The following MACROD2 variants were observed in gnomAD, a reference collection of about 807,000 sequenced individuals.
MACROD2 encodes mono-ADP ribosylhydrolase 2, also known as ADP-ribose glycohydrolase MACROD2.
In MACROD2, 36 loss-of-function variants were observed where a neutral mutation model predicts 70.4. The observed-to-expected ratio is 0.51, with a 90% confidence interval of 0.39 to 0.68. MACROD2 has a LOEUF of 0.68. Among genes scored for constraint, MACROD2 ranks in the 30% least tolerant of loss-of-function variants. The pLI is 0.00. For missense variants in MACROD2, 496 were observed against 538.4 expected (o/e 0.92, Z 0.78); for synonymous variants, 172 against 178.8 (o/e 0.96, Z 0.30).
intron 5 of MACROD2, among the ~76,000 whole-genome samples, chr20:15,211,960 A>G (rs2076767506): frequency 6.6e-6 from 1 of 152,164 alleles, no homozygotes; most frequent in Non-Finnish European, 1.5e-5. Context: ...CCAAAGTGGC[A>G]TTTCCATTCC....
At chr20:15,568,673 G>C (rs2048339931) in intron 8 of MACROD2, among the ~76,000 whole-genome samples, 1 of 152,150 alleles carries the variant, frequency 6.6e-6, no homozygotes, top group African/African-American at 2.4e-5. Context: ...GAGAGGCTGG[G>C]AAACGCAAGG....
intron 8 of MACROD2, among the ~76,000 whole-genome samples, chr20:15,505,089 A>G (rs560652876): frequency 5.5e-4 from 83 of 152,276 alleles, no homozygotes; most frequent in African/African-American, 1.9e-3. Flanking sequence ...TTGGTCTCTG[A>G]GACAATGCAC....
intron 5 of MACROD2, among the ~76,000 whole-genome samples, chr20:14,727,324 A>G (rs2071541720): frequency 6.6e-6 from 1 of 152,142 alleles, no homozygotes; most frequent in Non-Finnish European, 1.5e-5. Flanking sequence ...TGAGCCCAGG[A>G]GTCCAACACC....
intron 10 of MACROD2, among the ~76,000 whole-genome samples, chr20:15,915,457 A>G (rs538981404): frequency 4.6e-5 from 7 of 152,372 alleles, no homozygotes; most frequent in Non-Finnish European, 7.3e-5. Context: ...TTTATATCAC[A>G]GTATCACACT....
At chr20:14,026,450 C>T (rs548682384) in intron 2 of MACROD2, among the ~76,000 whole-genome samples, 1 of 152,288 alleles carries the variant, frequency 6.6e-6, no homozygotes, top group East Asian at 1.9e-4. Flanking sequence ...ATGGTCTTTA[C>T]AATTTGGTAT....
chr20:15,393,529 A>G (rs866212176), intron 6 of MACROD2, among the ~76,000 whole-genome samples: 19 of 151,878 alleles, frequency 1.3e-4, no homozygotes, highest in African/African-American at 3.9e-4. Context: ...TTGCACCTCT[A>G]TTTGCTTCTG....
At chr20:14,122,656 A>G (rs2054601727) in intron 3 of MACROD2, among the ~76,000 whole-genome samples, 2 of 152,178 alleles carry the variant, frequency 1.3e-5, no homozygotes, top group Non-Finnish European at 2.9e-5. Context: ...TTTGAAAATT[A>G]CCTTCCAACA....
chr20:15,198,436 A>T (rs986731585), intron 5 of MACROD2, among the ~76,000 whole-genome samples: 1 of 152,150 alleles, frequency 6.6e-6, no homozygotes, highest in Non-Finnish European at 1.5e-5. Context: ...ATTCGTCATA[A>T]ATTTACTGCT....
intron 5 of MACROD2, among the ~76,000 whole-genome samples, chr20:15,170,994 A>G (rs1331282274): frequency 2.2e-4 from 34 of 152,120 alleles, no homozygotes; most frequent in Admixed American, 2.2e-3. Context: ...GGTCGCTGTC[A>G]TCTAAGACCA....
intron 10 of MACROD2, among the ~76,000 whole-genome samples, chr20:15,909,379 C>A (rs2065198560): frequency 6.6e-6 from 1 of 152,028 alleles, no homozygotes; most frequent in African/African-American, 2.4e-5. Flanking sequence ...AGAACTTAGA[C>A]CCTGCCTTTT....
At chr20:15,166,461 C>G (rs1302448886) in intron 5 of MACROD2, among the ~76,000 whole-genome samples, 3 of 152,144 alleles carry the variant, frequency 2.0e-5, no homozygotes, top group Non-Finnish European at 4.4e-5. Context: ...GCATCTTAAT[C>G]TCTTCCAGCC....
At chr20:14,451,954 G>A (rs981678224) in intron 3 of MACROD2, among the ~76,000 whole-genome samples, 1 of 152,116 alleles carries the variant, frequency 6.6e-6, no homozygotes, top group Admixed American at 6.5e-5. Flanking sequence ...CCATGAGGGG[G>A]TGGAGGGGAT....
At chr20:14,383,422 G>T (rs192898325) in intron 3 of MACROD2, among the ~76,000 whole-genome samples, 2 of 152,068 alleles carry the variant, frequency 1.3e-5, no homozygotes, top group Admixed American at 1.3e-4. Context: ...TGAATAAAAT[G>T]ATAATGTAGA....
chr20:14,667,777 A>G (rs1345878796), intron 4 of MACROD2, among the ~76,000 whole-genome samples: 2 of 152,174 alleles, frequency 1.3e-5, no homozygotes, highest in Admixed American at 1.3e-4. Flanking sequence ...TGGACACAGA[A>G]GAACCCACTC....
At position 14,486,738 on chromosome 20, in the gene MACROD2, C is replaced by G. The variant is rs537141486; in HGVS notation, c.272-6741C>G. Among the ~76,000 whole-genome samples, 3 of 151,900 alleles carry G rather than the reference C, an allele frequency of 2.0e-5. No homozygotes were observed. The East Asian group carries it at 5.8e-4, about 30-fold the overall frequency. On this transcript the variant is annotated intron_variant, in intron 3 of 17. Coordinates refer to ENST00000684519, the MANE Select transcript of MACROD2 (RefSeq NM_001351661.2). The stretch of plus-strand genomic sequence containing the variant: ...TTCACCATGTTAGCCAGGGTGGTCT[C>G]AAACTCCTGGCCTCAGGTGATCTGC...
intron 10 of MACROD2, among the ~76,000 whole-genome samples, chr20:15,928,401 T>C (rs555364558): frequency 3.9e-5 from 6 of 152,356 alleles, no homozygotes; most frequent in East Asian, 1.9e-4. Flanking sequence ...TCAATGTTAA[T>C]TGAGTTAATC....
intron 5 of MACROD2, among the ~76,000 whole-genome samples, chr20:14,748,993 T>C (rs1009798591): frequency 6.6e-6 from 1 of 152,128 alleles, no homozygotes; most frequent in African/African-American, 2.4e-5. Context: ...TTATAGTTTA[T>C]GCCCTTCACA....
At chr20:15,305,806 C>A (rs755226941) in intron 6 of MACROD2, among the ~76,000 whole-genome samples, 7 of 152,004 alleles carry the variant, frequency 4.6e-5, no homozygotes, top group African/African-American at 1.7e-4. Context: ...AAATTTGAAC[C>A]CTTTCCACTC....
chr20:14,529,851 A>G (rs536515586), intron 4 of MACROD2, among the ~76,000 whole-genome samples: 155 of 152,366 alleles, frequency 1.0e-3, no homozygotes, highest in Admixed American at 1.6e-3. Context: ...CAGTGGTTTC[A>G]GAAAGATTCA....
Sources: gnomAD v4.1 joint callset for allele counts (sites outside exome capture counted in the v4.1 genomes callset) on GRCh38, gnomAD v4.1.1 for gene constraint, MANE v1.5 for transcripts, NCBI Gene and HGNC (gene_info 2026-07-23, HGNC 2026-07-21) for gene names.